Variants in RTL9 observed in about 807,000 individuals in gnomAD.
RTL9 encodes the protein retrotransposon Gag-like protein 9.
Under a neutral mutation model 44.7 loss-of-function variants are expected in RTL9, and 19 were observed. The ratio of observed to expected loss-of-function variants is 0.42; its 90% confidence interval spans 0.30 to 0.62. The LOEUF is 0.62. Ranked by LOEUF, RTL9 falls within the 20% of genes least tolerant of loss-of-function variation. The probability of loss-of-function intolerance (pLI) is 0.16; values close to 1 mark genes in which losing one functional copy is unlikely to be tolerated. For missense variants in RTL9, 1,105 were observed against 1,080.6 expected (o/e 1.02, Z -0.32); for synonymous variants, 407 against 398.9 (o/e 1.02, Z -0.24).
chrX:110,435,922 T>C (rs1038120245), intron 1 of RTL9, among the ~76,000 whole-genome samples: 8 of 112,654 alleles, frequency 7.1e-5, no homozygotes, highest in Admixed American at 5.6e-4. Context: ...GTATTATTAC[T>C]GTCTCCATTT....
intron 1 of RTL9, among the ~76,000 whole-genome samples, chrX:110,393,729 G>A (rs1364117964): frequency 2.7e-5 from 3 of 112,080 alleles, no homozygotes; most frequent in Admixed American, 9.4e-5. Context: ...TAGTTATCAC[G>A]TTAATGGGGA....
chrX:110,363,476 T>C (rs1373282883), intron 1 of RTL9, among the ~76,000 whole-genome samples: 2 of 111,889 alleles, frequency 1.8e-5, no homozygotes, highest in Non-Finnish European at 3.8e-5. Context: ...TAAGGAGTAA[T>C]GCTCTAAAAT....
chrX:110,453,488 G>A (rs755732898), exon 1 of RTL9: 154 of 1,209,877 alleles, frequency 1.3e-4, no homozygotes, highest in Non-Finnish European at 1.6e-4. Flanking sequence ...TGAGAGCCCC[G>A]GCCTCTGGAA....
intron 1 of RTL9, among the ~76,000 whole-genome samples, chrX:110,377,346 C>T (rs1371742201): frequency 9.0e-6 from 1 of 111,693 alleles, no homozygotes; most frequent in Admixed American, 9.5e-5. Flanking sequence ...CGTGAAATGG[C>T]CAGAATAGCG....
chrX:110,409,418 T>C (rs1423932416), intron 1 of RTL9, among the ~76,000 whole-genome samples: 1 of 111,759 alleles, frequency 8.9e-6, no homozygotes, highest in Non-Finnish European at 1.9e-5. Flanking sequence ...CTGGTATCAA[T>C]CGTAGGGGCC....
upstream of RTL9, among the ~76,000 whole-genome samples, chrX:110,450,203 G>C (rs948029048): frequency 9.0e-6 from 1 of 111,324 alleles, no homozygotes; most frequent in Non-Finnish European, 1.9e-5. Context: ...TGGCTGGCTT[G>C]TGAGTACTGC....
chrX:110,437,445 A>G (rs1379770337), intron 1 of RTL9, among the ~76,000 whole-genome samples: 1 of 112,063 alleles, frequency 8.9e-6, no homozygotes, highest in Admixed American at 9.4e-5. Context: ...TGAGGTTTAG[A>G]TAGGTTATAC....
At chrX:110,441,625 C>A (rs1288509762) in intron 1 of RTL9, among the ~76,000 whole-genome samples, 1 of 111,807 alleles carries the variant, frequency 8.9e-6, no homozygotes, top group South Asian at 3.7e-4. Flanking sequence ...TATATCACAC[C>A]TTAATGAGAT....
At chrX:110,379,103 C>T (rs1052987923) in intron 1 of RTL9, among the ~76,000 whole-genome samples, 2 of 111,981 alleles carry the variant, frequency 1.8e-5, no homozygotes, top group African/African-American at 6.5e-5. Flanking sequence ...AACATGCTAG[C>T]TCTTTCATGA....
At chrX:110,381,343 T>A (rs1463785940) in intron 1 of RTL9, among the ~76,000 whole-genome samples, 1 of 111,814 alleles carries the variant, frequency 8.9e-6, no homozygotes, top group Non-Finnish European at 1.9e-5. Context: ...TTACTAATCA[T>A]CAGAGAAATG....
intron 1 of RTL9, among the ~76,000 whole-genome samples, chrX:110,376,089 G>C (rs1292017355): frequency 9.0e-6 from 1 of 111,394 alleles, no homozygotes; most frequent in Non-Finnish European, 1.9e-5. Flanking sequence ...CCATGGTAAG[G>C]TGGTTTCAGA....
intron 1 of RTL9, among the ~76,000 whole-genome samples, chrX:110,410,246 G>C (rs2068632859): frequency 9.0e-6 from 1 of 111,470 alleles, no homozygotes; most frequent in African/African-American, 3.3e-5. Context: ...ATTAGTGTGG[G>C]AAGAAGGACC....
At chrX:110,420,521 C>T (rs1453590262) in intron 1 of RTL9, among the ~76,000 whole-genome samples, 2 of 112,001 alleles carry the variant, frequency 1.8e-5, no homozygotes, top group East Asian at 5.6e-4. Flanking sequence ...CAGTGTTCCA[C>T]AGAGCAAGGG....
upstream of RTL9, among the ~76,000 whole-genome samples, chrX:110,445,938 T>C (rs1460930151): frequency 1.8e-5 from 2 of 111,761 alleles, no homozygotes. Context: ...CGGAAGTCTA[T>C]GCCTCACATG....
At chrX:110,422,172 T>G (rs987911107) in intron 1 of RTL9, among the ~76,000 whole-genome samples, 4 of 112,888 alleles carry the variant, frequency 3.5e-5, no homozygotes, top group Non-Finnish European at 5.6e-5. Context: ...TCTTTTTCCC[T>G]GTCCAGGTTT....
At chrX:110,370,100 A>G (rs1328036801) in intron 1 of RTL9, among the ~76,000 whole-genome samples, 1 of 112,128 alleles carries the variant, frequency 8.9e-6, no homozygotes, top group Non-Finnish European at 1.9e-5. Flanking sequence ...CAGTTCTGTC[A>G]GGACCTGGTA....
chrX:110,390,581 C>G (rs1345497726), intron 1 of RTL9, among the ~76,000 whole-genome samples: 1 of 110,934 alleles, frequency 9.0e-6, no homozygotes, highest in Non-Finnish European at 1.9e-5. Context: ...TACTGTAGAT[C>G]CAAAAAACAG....
intron 1 of RTL9, among the ~76,000 whole-genome samples, chrX:110,361,680 G>T (rs1007779558): frequency 1.8e-5 from 2 of 111,938 alleles, no homozygotes; most frequent in South Asian, 3.7e-4. Flanking sequence ...GCGCCTTCTC[G>T]CCATTCTCTA....
intron 1 of RTL9, among the ~76,000 whole-genome samples, chrX:110,411,274 G>T (rs1427507813): frequency 8.9e-6 from 1 of 111,903 alleles, no homozygotes; most frequent in Non-Finnish European, 1.9e-5. Context: ...CAAGATCTGG[G>T]AAGAGTTTGG....
Sources: gnomAD v4.1 joint callset for allele counts (sites outside exome capture counted in the v4.1 genomes callset) on GRCh38, gnomAD v4.1.1 for gene constraint, MANE v1.5 for transcripts, NCBI Gene and HGNC (gene_info 2026-07-23, HGNC 2026-07-21) for gene names.